ELF2: variants seen among roughly 807,000 people sequenced by gnomAD.
ELF2 encodes the protein ETS-related transcription factor Elf-2.
ELF2 carries 11 observed loss-of-function variants against 54.8 expected under a neutral mutation model. The observed-to-expected ratio is 0.20, with a 90% CI of 0.13 to 0.33. The LOEUF is 0.33. Among genes scored for constraint, ELF2 ranks in the 10% least tolerant of loss-of-function variants. The probability of loss-of-function intolerance (pLI) is 1.00; values close to 1 mark genes in which losing one functional copy is unlikely to be tolerated. For synonymous variants in ELF2, 203 were observed against 245.1 expected, an observed-to-expected ratio of 0.83 and a Z score of 1.61; for missense variants, 513 against 703.0, an observed-to-expected ratio of 0.73 and a Z score of 3.06.
intron 4 of ELF2, among the ~76,000 whole-genome samples, chr4:139,075,395 C>G (rs1214596086): frequency 6.6e-6 from 1 of 152,062 alleles, no homozygotes; most frequent in Non-Finnish European, 1.5e-5. Flanking sequence ...GCCATGGTTC[C>G]CAACATAGAC....
At chr4:139,147,018 T>C (rs1023938625) in intron 1 of ELF2, among the ~76,000 whole-genome samples, 1 of 151,964 alleles carries the variant, frequency 6.6e-6, no homozygotes, top group African/African-American at 2.4e-5. Flanking sequence ...AAAACAAAAA[T>C]AAATAAATGG....
chr4:139,144,667 G>A (rs1739051905), intron 1 of ELF2, among the ~76,000 whole-genome samples: 1 of 152,182 alleles, frequency 6.6e-6, no homozygotes, highest in Non-Finnish European at 1.5e-5. Flanking sequence ...CTGAGTGAGA[G>A]ACTTGCCTTG....
At chr4:139,145,910 C>A (rs185555842) in intron 1 of ELF2, among the ~76,000 whole-genome samples, 4 of 152,046 alleles carry the variant, frequency 2.6e-5, no homozygotes, top group Admixed American at 1.3e-4. Flanking sequence ...AAGTCATATA[C>A]GACAAAGCAT....
chr4:139,148,166 G>C (rs1739442944), intron 1 of ELF2, among the ~76,000 whole-genome samples: 1 of 150,802 alleles, frequency 6.6e-6, no homozygotes, highest in Non-Finnish European at 1.5e-5. Flanking sequence ...CATTTCATAT[G>C]AATATAATTA....
intron 4 of ELF2, among the ~76,000 whole-genome samples, chr4:139,091,914 TATATATACACAC>T (rs1157364916): frequency 6.7e-6 from 1 of 149,306 alleles, no homozygotes; most frequent in African/African-American, 2.5e-5. Context: ...ATATAGAGAA[TATATATACACAC>T]ATATATATAC....
At chr4:139,070,204 G>C (rs1005807473) in intron 6 of ELF2, among the ~76,000 whole-genome samples, 4 of 151,938 alleles carry the variant, frequency 2.6e-5, no homozygotes, top group Non-Finnish European at 5.9e-5. Flanking sequence ...TATTAAATTG[G>C]CAAAGTATTT....
At chr4:139,107,709 C>A (rs950697626) in intron 4 of ELF2, among the ~76,000 whole-genome samples, 7 of 152,114 alleles carry the variant, frequency 4.6e-5, no homozygotes, top group African/African-American at 1.7e-4. Context: ...CCTTAATCTT[C>A]TTGTACTAAA....
intron 1 of ELF2, among the ~76,000 whole-genome samples, chr4:139,169,730 G>A (rs1044755549): frequency 6.6e-5 from 10 of 151,962 alleles, no homozygotes; most frequent in African/African-American, 1.4e-4. Flanking sequence ...GGTGGCGGGC[G>A]CCTATAGTCC....
intron 4 of ELF2, among the ~76,000 whole-genome samples, chr4:139,083,836 G>C (rs1348603305): frequency 7.2e-5 from 11 of 152,192 alleles, no homozygotes; most frequent in Non-Finnish European, 4.4e-5. Context: ...CTTAACCGCG[G>C]CTCCGTTCTC....
Position 139,071,948 on chromosome 4 carries a change from C to T in ELF2, c.444G>A (p.Val148=). 6.2e-7 allele frequency: 1 copy of T among 1,613,906 alleles called. No homozygotes were observed. Among genetic ancestry groups the T allele is most frequent in the Non-Finnish European group, 8.5e-7 (1 of 1,179,972 alleles). The change falls in exon 6 of 10, where the codon GTG becomes GTA. Residue 148 remains valine (V), a synonymous_variant. Transcript: ENST00000686138. ...CCATGGGTTCAGACTCTTCAGTTGA[C>T]ACCTCCACTACAGTTTCTGTAATGA... ...PDVITETVVE[V]STEESEPMDT... is the part of the protein sequence containing the mutation.
rs548337679 is a variant in ELF2, at chr4:139,088,735, C to A, written c.239-15168G>T. Among the ~76,000 whole-genome samples, 78 of 152,224 alleles carry A rather than the reference C, an allele frequency of 5.1e-4. 1 individual carries two copies. The highest frequency in any genetic ancestry group is 3.4e-3 in the Middle Eastern group (1 of 294). The stretch of plus-strand genomic sequence containing the variant: ...ATCCCCCCACTAGGGGGATAAAAGT[C>A]CCCCACCTAGGACTTTTTTTTTTTC... On this transcript the variant is annotated intron_variant, in intron 4 of 9. Transcript: ENST00000686138.
At chr4:139,146,311 C>T (rs989967890) in intron 1 of ELF2, among the ~76,000 whole-genome samples, 3 of 152,124 alleles carry the variant, frequency 2.0e-5, no homozygotes, top group African/African-American at 7.2e-5. Flanking sequence ...TAGGAATATA[C>T]TTAACCAAGG....
chr4:139,098,469 C>T (rs901470245), intron 4 of ELF2, among the ~76,000 whole-genome samples: 2 of 140,154 alleles, frequency 1.4e-5, no homozygotes, highest in African/African-American at 5.2e-5. Context: ...ATTTTTAAAA[C>T]TTTTTTTTTT....
chr4:139,094,682 C>T (rs1194708165), intron 4 of ELF2, among the ~76,000 whole-genome samples: 1 of 151,604 alleles, frequency 6.6e-6, no homozygotes, highest in African/African-American at 2.4e-5. Context: ...AGAAAATATA[C>T]ATTAATCAAT....
rs967053230 is a variant in ELF2 at position 139,165,558 on chromosome 4, G to C, written c.-252+11409C>G. Among the ~76,000 whole-genome samples, 3 of 151,970 alleles carry C rather than the reference G, an allele frequency of 2.0e-5. 1 individual carries two copies. The highest frequency in any genetic ancestry group is 2.0e-4 in the Admixed American group (3 of 15,258). ...CACGCCTGTAATCCCAGCTACCCGG[G>C]AGGCTGAGGCAGGAGAACCACTTGA... On this transcript the variant is annotated intron_variant, in intron 1 of 9. Coordinates refer to ENST00000686138, the MANE Select transcript of ELF2 (RefSeq NM_001331036.3).
chr4:139,129,205 T>G (rs1182510246), intron 3 of ELF2, among the ~76,000 whole-genome samples: 1 of 152,192 alleles, frequency 6.6e-6, no homozygotes, highest in African/African-American at 2.4e-5. Flanking sequence ...CCCAAAGTGC[T>G]GGGATGACAG....
intron 4 of ELF2, among the ~76,000 whole-genome samples, chr4:139,108,624 G>C (rs1338582694): frequency 4.3e-4 from 66 of 151,958 alleles, no homozygotes; most frequent in Non-Finnish European, 5.9e-5. Flanking sequence ...AAAATTCTGT[G>C]CTTTCTAAAA....
rs1408721157 is a variant in ELF2 at position 139,137,649 on chromosome 4, T to C, written c.53A>G (p.Asn18Ser). 2.5e-6 allele frequency: 4 copies of C among 1,613,934 alleles called. No homozygotes were observed. Among genetic ancestry groups the C allele is most frequent in the African/African-American group, 1.3e-5 (1 of 74,948 alleles). The change falls in exon 3 of 10, where the codon AAT (asparagine) becomes AGT (serine). Residue 18 changes from asparagine to serine, a missense_variant. Physicochemically the swap from Asn to Ser is conservative, Grantham distance 46. Transcript: ENST00000686138. ...CCTAACCTCTTGATTTTCTACTCCA[T>C]TGCTGGAAAGCTCCAAAATAGTACC... ...SGGTILELSS[N>S]GVENQEESEK...
intron 6 of ELF2, 91 bp downstream of exon 6, chr4:139,071,774 CA>C: frequency 1.7e-6 from 2 of 1,162,948 alleles, no homozygotes; most frequent in Non-Finnish European, 2.4e-6. Context: ...CTTAAATCTA[CA>C]GCATATACTA....
Sources: allele counts gnomAD v4.1 joint callset (sites outside exome capture counted in the v4.1 genomes callset), GRCh38; gene constraint gnomAD v4.1.1; transcripts MANE v1.5; gene names NCBI Gene and HGNC (gene_info 2026-07-23, HGNC 2026-07-21).